The following ELMO1 variants were observed in gnomAD, a reference collection of about 807,000 sequenced individuals.
ELMO1 encodes the protein engulfment and cell motility 1.
ELMO1 carries 26 observed loss-of-function variants against 98.9 expected under a neutral mutation model. The observed-to-expected ratio is 0.26, with a 90% CI of 0.19 to 0.36. ELMO1 has a LOEUF of 0.36. Among genes scored for constraint, ELMO1 ranks in the 10% least tolerant of loss-of-function variants. ELMO1 has a pLI of 1.00. For missense variants in ELMO1, 627 were observed against 935.2 expected (o/e 0.67, Z 4.30); for synonymous variants, 346 against 346.0 (o/e 1.00, Z 0.00).
At chr7:36,857,779 A>G (rs1230114692) in intron 21 of ELMO1, among the ~76,000 whole-genome samples, 1 of 152,230 alleles carries the variant, frequency 6.6e-6, no homozygotes, top group Admixed American at 6.5e-5. Flanking sequence ...TGCAATGACC[A>G]TAAACACAAC....
chr7:37,290,079 T>C (rs939239132), intron 4 of ELMO1, among the ~76,000 whole-genome samples: 1 of 152,186 alleles, frequency 6.6e-6, no homozygotes, highest in Non-Finnish European at 1.5e-5. Context: ...TAAGAGCTGA[T>C]CCAAAGATAA....
intron 16 of ELMO1, among the ~76,000 whole-genome samples, chr7:36,956,398 G>C (rs1365055204): frequency 6.6e-6 from 1 of 151,998 alleles, no homozygotes; most frequent in Non-Finnish European, 1.5e-5. Flanking sequence ...TGTCTTTTTT[G>C]AAATAAAATA....
chr7:37,434,377 C>T (rs1805058080), intron 1 of ELMO1, among the ~76,000 whole-genome samples: 2 of 152,174 alleles, frequency 1.3e-5, no homozygotes, highest in African/African-American at 4.8e-5. Context: ...GTCTGAGAAC[C>T]ACAGAACTAG....
chr7:37,369,137 G>A (rs1399130296), intron 1 of ELMO1, among the ~76,000 whole-genome samples: 3 of 152,180 alleles, frequency 2.0e-5, no homozygotes, highest in Admixed American at 1.3e-4. Flanking sequence ...ACAAGGTTAT[G>A]TAACATTTAT....
At chr7:37,320,145 C>CGGG (rs1799405576) in intron 2 of ELMO1, among the ~76,000 whole-genome samples, 1 of 152,036 alleles carries the variant, frequency 6.6e-6, no homozygotes, top group African/African-American at 2.4e-5. Flanking sequence ...GGCGTGGTGG[C>CGGG]CCATGCCTGT....
chr7:36,867,656 C>T (rs1269996303), intron 20 of ELMO1, among the ~76,000 whole-genome samples: 1 of 152,138 alleles, frequency 6.6e-6, no homozygotes, highest in South Asian at 2.1e-4. Context: ...ATAAATTTCC[C>T]TCTAAGCACT....
At chr7:37,152,860 A>G (rs534242457) in intron 13 of ELMO1, among the ~76,000 whole-genome samples, 308 of 152,350 alleles carry the variant, frequency 2.0e-3, no homozygotes, top group African/African-American at 7.1e-3. Flanking sequence ...TGAGAAATGA[A>G]AAAAGCAAGT....
intron 15 of ELMO1, among the ~76,000 whole-genome samples, chr7:37,075,995 C>G (rs1010656778): frequency 6.6e-6 from 1 of 152,200 alleles, no homozygotes; most frequent in Non-Finnish European, 1.5e-5. Context: ...TTTTTAAACT[C>G]TTTCAGCTGT....
At chr7:37,089,092 G>T (rs1345947902) in intron 15 of ELMO1, among the ~76,000 whole-genome samples, 4 of 152,188 alleles carry the variant, frequency 2.6e-5, no homozygotes, top group African/African-American at 9.7e-5. Flanking sequence ...GAAAGTGACG[G>T]ATGGTACTTC....
chr7:37,150,159 C>T (rs529454408), intron 13 of ELMO1, among the ~76,000 whole-genome samples: 18 of 152,274 alleles, frequency 1.2e-4, no homozygotes, highest in African/African-American at 4.1e-4. Context: ...CTAATTTTGA[C>T]ATGCTAGGGA....
intron 16 of ELMO1, among the ~76,000 whole-genome samples, chr7:36,939,827 C>T (rs1786871655): frequency 6.6e-6 from 1 of 152,240 alleles, no homozygotes; most frequent in African/African-American, 2.4e-5. Flanking sequence ...TGGCCGGAGG[C>T]ATGCGTGGAG....
Position 37,242,158 on chromosome 7 carries a change from T to C in ELMO1, c.449+2198A>G, listed in dbSNP as rs114882240. Among the ~76,000 whole-genome samples the C allele has an allele frequency of 2.0e-3, 301 of 152,310 alleles. 4 individuals are homozygous for C. The highest frequency in any genetic ancestry group is 6.8e-3 in the African/African-American group (282 of 41,576). On this transcript the variant is annotated intron_variant, in intron 7 of 21. Transcript: ENST00000310758. The stretch of plus-strand genomic sequence containing the variant: ...TATCTCACAGGTCAAGTACTCATTA[T>C]TCATTTTATCAACTTTTCAGATTAG...
At chr7:37,086,765 A>AG (rs1554408026) in intron 15 of ELMO1, among the ~76,000 whole-genome samples, 8 of 142,632 alleles carry the variant, frequency 5.6e-5, no homozygotes, top group East Asian at 3.9e-4. Flanking sequence ...AAAAAAAAAA[A>AG]GAAATCTTTG....
intron 1 of ELMO1, among the ~76,000 whole-genome samples, chr7:37,393,085 C>A (rs756100056): frequency 6.6e-6 from 1 of 152,204 alleles, no homozygotes; most frequent in Non-Finnish European, 1.5e-5. Flanking sequence ...AACATCTCTC[C>A]TGGGCAACTT....
intron 13 of ELMO1, among the ~76,000 whole-genome samples, chr7:37,173,866 AACC>A (rs1790339698): frequency 6.6e-6 from 1 of 152,206 alleles, no homozygotes; most frequent in Non-Finnish European, 1.5e-5. Context: ...GACAAAGATA[AACC>A]ACATGGTGGT....
chr7:37,016,276 T>C (rs17170834), intron 15 of ELMO1, among the ~76,000 whole-genome samples: 9,589 of 152,226 alleles, frequency 0.063, 928 homozygotes, highest in African/African-American at 0.21. Context: ...AGATAATTCG[T>C]TGGGTACATA....
intron 14 of ELMO1, among the ~76,000 whole-genome samples, chr7:37,128,399 C>T (rs536479634): frequency 3.3e-5 from 5 of 152,180 alleles, no homozygotes; most frequent in Non-Finnish European, 5.9e-5. Flanking sequence ...GGGAGTGAAA[C>T]ATTTCTAGAA....
intron 1 of ELMO1, among the ~76,000 whole-genome samples, chr7:37,436,579 C>G (rs754340199): frequency 2.6e-5 from 4 of 152,240 alleles, no homozygotes; most frequent in Non-Finnish European, 4.4e-5. Flanking sequence ...AGGTTTCTCT[C>G]TTTTCAACCC....
intron 16 of ELMO1, among the ~76,000 whole-genome samples, chr7:36,938,292 G>A (rs1786724277): frequency 6.6e-6 from 1 of 152,222 alleles, no homozygotes; most frequent in South Asian, 2.1e-4. Context: ...CAAGTTGAAT[G>A]CTTTGAAAGA....
Sources: allele counts gnomAD v4.1 joint callset (sites outside exome capture counted in the v4.1 genomes callset), GRCh38; gene constraint gnomAD v4.1.1; transcripts MANE v1.5; gene names NCBI Gene and HGNC (gene_info 2026-07-23, HGNC 2026-07-21).